The following PXDC1 variants were observed in gnomAD, a reference collection of about 807,000 sequenced individuals.
PXDC1 encodes PX domain-containing protein 1.
Under a neutral mutation model 24.4 loss-of-function variants are expected in PXDC1, and 13 were observed. The ratio of observed to expected loss-of-function variants is 0.53; its 90% CI spans 0.35 to 0.85. PXDC1 has a LOEUF of 0.85. Among genes scored for constraint, PXDC1 ranks in the 40% least tolerant of loss-of-function variants. The pLI is 0.01. For synonymous variants in PXDC1, 162 were observed against 124.9 expected, an observed-to-expected ratio of 1.30 and a Z score of -1.98; for missense variants, 344 against 309.3, an observed-to-expected ratio of 1.11 and a Z score of -0.84.
chr6:3,724,187 C>T lies in PXDC1; in HGVS notation c.579-451G>A, dbSNP rs903862086. ...TGACACACGGACGCACAGGAGGCTG[C>T]GAGGGAACAGGAGGCTGGAGAAGAG... On this transcript the variant is annotated intron_variant, in intron 4 of 4. Transcript: ENST00000380283. This position sits in a 1 kb window ranked among gnomAD's most constrained non-coding sequence, Gnocchi z 4.5. 6.6e-6 allele frequency among the ~76,000 whole-genome samples: 1 copy of T among 151,972 alleles called. No homozygotes were observed. The highest frequency in any genetic ancestry group is 1.5e-5 in the Non-Finnish European group (1 of 67,990).
At chr6:3,750,481 C>G (rs565307495) in intron 1 of PXDC1, among the ~76,000 whole-genome samples, 1 of 152,258 alleles carries the variant, frequency 6.6e-6, no homozygotes, top group African/African-American at 2.4e-5. Context: ...CAATTCTTCC[C>G]GTCTCAATTC....
rs1420099423 is a variant in PXDC1, at chr6:3,728,677, G to A, written c.467-1015C>T. Among the ~76,000 whole-genome samples, 1 of 152,122 alleles carries A rather than the reference G, an allele frequency of 6.6e-6. No homozygotes were observed. The highest frequency in any genetic ancestry group is 1.9e-4 in the East Asian group (1 of 5,194). ...TCCTCCAATGAAAAATTTCAAAGTT[G>A]TATTAATCTCTGAGGATCCTTCTCA... is the stretch of plus-strand genomic sequence containing the variant. On this transcript the variant is annotated intron_variant, in intron 3 of 4. Coordinates refer to ENST00000380283, the MANE Select transcript of PXDC1 (RefSeq NM_183373.4). The surrounding 1 kb of genome is among the most constrained non-coding windows in gnomAD (Gnocchi z 4.0).
chr6:3,744,719 CG>C (rs1415742045), intron 1 of PXDC1, among the ~76,000 whole-genome samples: 1 of 151,998 alleles, frequency 6.6e-6, no homozygotes, highest in Non-Finnish European at 1.5e-5. Context: ...TTATTTGAGA[CG>C]AAGTCTCGCT....
In PXDC1 at chr6:3,725,847, G is replaced by A. The variant is rs533208899; in HGVS notation, c.578+1704C>T. On this transcript the variant is annotated intron_variant, in intron 4 of 4. Coordinates refer to ENST00000380283, the MANE Select transcript of PXDC1 (RefSeq NM_183373.4). The surrounding 1 kb of genome is among the most constrained non-coding windows in gnomAD (Gnocchi z 4.8). Reference sequence around the variant, plus strand: ...GTCGGAACTCCCTCCAGATGCTCCCGAGCCCCATGGCGGCAGGCGTTTCTT... The same window carrying A: ...GTCGGAACTCCCTCCAGATGCTCCCAAGCCCCATGGCGGCAGGCGTTTCTT... Among the ~76,000 whole-genome samples, 1 of 152,178 alleles carries A rather than the reference G, an allele frequency of 6.6e-6. No homozygotes were observed. Among genetic ancestry groups the A allele is most frequent in the African/African-American group, 2.4e-5 (1 of 41,442 alleles).
intron 3 of PXDC1, among the ~76,000 whole-genome samples, chr6:3,730,007 C>G (rs770531770): frequency 1.3e-5 from 2 of 152,204 alleles, no homozygotes; most frequent in Non-Finnish European, 2.9e-5. Context: ...TGTAAGCAAT[C>G]CTTCCTTAAT....
intron 1 of PXDC1, among the ~76,000 whole-genome samples, chr6:3,741,943 AC>A (rs1198335892): frequency 6.6e-6 from 1 of 152,240 alleles, no homozygotes; most frequent in African/African-American, 2.4e-5. Flanking sequence ...ACAACTGTCC[AC>A]TGGGACCACA....
intron 4 of PXDC1, among the ~76,000 whole-genome samples, chr6:3,726,832 C>T (rs1345547262): frequency 6.6e-6 from 1 of 152,226 alleles, no homozygotes; most frequent in Non-Finnish European, 1.5e-5. Context: ...TTACACTCAC[C>T]ATCTGTGGTC....
Position 3,740,672 on chromosome 6 carries a change from C to T in PXDC1, c.257-2524G>A, listed in dbSNP as rs181522039. Among the ~76,000 whole-genome samples, 322 of 152,342 alleles carry T rather than the reference C, an allele frequency of 2.1e-3. 2 individuals are homozygous for T. The highest frequency in any genetic ancestry group is 3.8e-3 in the Non-Finnish European group (261 of 68,034). On this transcript the variant is annotated intron_variant, in intron 1 of 4. Transcript: ENST00000380283. ...GTGAAACACACCCTCAAGCCAACCC[C>T]GAGAAACAGGCCCTCGCTTCCCAAC... is the stretch of plus-strand genomic sequence containing the variant.
chr6:3,749,228 A>G (rs566112028), intron 1 of PXDC1, among the ~76,000 whole-genome samples: 1 of 150,124 alleles, frequency 6.7e-6, no homozygotes, highest in East Asian at 2.0e-4. Context: ...TGTCCCCAGC[A>G]GAGAGAGCAG....
intron 1 of PXDC1, among the ~76,000 whole-genome samples, chr6:3,746,094 T>C (rs975307571): frequency 4.0e-4 from 61 of 152,302 alleles, no homozygotes; most frequent in African/African-American, 1.4e-3. Context: ...TGGCCTGTTC[T>C]GTGAGAAAGC....
At chr6:3,731,118 A>G (rs1463586601) in intron 3 of PXDC1, among the ~76,000 whole-genome samples, 1 of 152,188 alleles carries the variant, frequency 6.6e-6, no homozygotes, top group Non-Finnish European at 1.5e-5. Context: ...GGCTACCCCT[A>G]TTTAGTAAAA....
Position 3,746,604 on chromosome 6 carries a change from C to T in PXDC1, c.256+4672G>A, listed in dbSNP as rs546310127. On this transcript the variant is annotated intron_variant, in intron 1 of 4. Coordinates refer to ENST00000380283, the MANE Select transcript of PXDC1 (RefSeq NM_183373.4). ...GCTATGGTTGAAGGCAAAGGGCAGG[C>T]CCAGCCAGCACCCCACTTGCAAGGG... is the stretch of plus-strand genomic sequence containing the variant. Among the ~76,000 whole-genome samples the T allele has an allele frequency of 2.0e-4, 31 of 152,262 alleles. No individual in the cohort carries two copies. In the East Asian group the frequency reaches 5.6e-3, roughly 28 times the overall value.
chr6:3,734,243 C>T (rs1760267242), intron 3 of PXDC1, among the ~76,000 whole-genome samples: 1 of 152,200 alleles, frequency 6.6e-6, no homozygotes, highest in South Asian at 2.1e-4. Context: ...GAGGCCAGGG[C>T]AGGCTGAAGC....
Position 3,725,655 on chromosome 6 carries a change from C to T in PXDC1, c.578+1896G>A, listed in dbSNP as rs890157995. Among the ~76,000 whole-genome samples, 8 of 152,328 alleles carry T rather than the reference C, an allele frequency of 5.3e-5. No individual in the cohort carries two copies. The highest frequency in any genetic ancestry group is 1.0e-4 in the Non-Finnish European group (7 of 68,020). ...AGGACAGCCACGCAGGGAGGTGAAG[C>T]CTCCAGTTCCACAAAGGGTGTCTGT... On this transcript the variant is annotated intron_variant, in intron 4 of 4. Transcript: ENST00000380283. This position sits in a 1 kb window ranked among gnomAD's most constrained non-coding sequence, Gnocchi z 4.8.
intron 1 of PXDC1, chr6:3,738,655 A>G: frequency 3.9e-6 from 2 of 507,332 alleles, no homozygotes; most frequent in South Asian, 1.9e-5. Flanking sequence ...TTCACAAGGA[A>G]AAAAGTCAGA....
At chr6:3,731,269 C>T (rs1012826405) in intron 3 of PXDC1, among the ~76,000 whole-genome samples, 70 of 152,306 alleles carry the variant, frequency 4.6e-4, no homozygotes, top group African/African-American at 1.6e-3. Context: ...CGCATTTCCT[C>T]ACAGCTATTA....
intron 1 of PXDC1, among the ~76,000 whole-genome samples, chr6:3,746,334 G>A (rs750391788): frequency 9.2e-5 from 14 of 152,168 alleles, no homozygotes; most frequent in South Asian, 4.1e-4. Context: ...CAGAGTGGGC[G>A]GCGGGGTTTG....
At position 3,728,849 on chromosome 6, in the gene PXDC1, T is replaced by C. The variant is rs1467214833; in HGVS notation, c.467-1187A>G. Among the ~76,000 whole-genome samples the C allele has an allele frequency of 6.6e-6, 1 of 152,210 alleles. No individual in the cohort carries two copies. Among genetic ancestry groups the C allele is most frequent in the African/African-American group, 2.4e-5 (1 of 41,452 alleles). On this transcript the variant is annotated intron_variant, in intron 3 of 4. Transcript: ENST00000380283. The surrounding 1 kb of genome is among the most constrained non-coding windows in gnomAD (Gnocchi z 4.0). Reference sequence around the variant, plus strand: ...GAGATCTGGTAGCCATGGCCAGTTCTTGGAGCTAAAGTCCTCCAGCTGCCC... The same window carrying C: ...GAGATCTGGTAGCCATGGCCAGTTCCTGGAGCTAAAGTCCTCCAGCTGCCC...
At chr6:3,730,039 T>C (rs1001058501) in intron 3 of PXDC1, among the ~76,000 whole-genome samples, 1 of 152,250 alleles carries the variant, frequency 6.6e-6, no homozygotes, top group Non-Finnish European at 1.5e-5. Flanking sequence ...AGGAGCCTCA[T>C]GCACATACAT....
Sources: gnomAD v4.1 joint callset for allele counts (sites outside exome capture counted in the v4.1 genomes callset) on GRCh38, gnomAD v4.1.1 for gene constraint, Gnocchi (gnomAD v3.1) non-coding constraint, MANE v1.5 for transcripts, NCBI Gene and HGNC (gene_info 2026-07-23, HGNC 2026-07-21) for gene names.